SLC25A40: variants seen among roughly 807,000 people sequenced by gnomAD.
SLC25A40 encodes mitochondrial glutathione transporter SLC25A40.
A neutral mutation model predicts 46.5 loss-of-function variants in SLC25A40; 41 were observed. The ratio of observed to expected loss-of-function variants is 0.88; its 90% CI spans 0.69 to 1.14. The LOEUF (loss-of-function observed/expected upper bound fraction) is 1.14. Among genes scored for constraint, SLC25A40 ranks in the 50% most tolerant of loss-of-function variants. The pLI is 0.00. For synonymous variants in SLC25A40, 126 were observed against 127.5 expected (o/e 0.99, Z 0.08); for missense variants, 386 against 393.6 (o/e 0.98, Z 0.16).
chr7:87,850,052 C>T, intron 5 of SLC25A40, 104 bp from the exon 6 acceptor site: 1 of 724,834 alleles, frequency 1.4e-6, no homozygotes, highest in South Asian at 2.3e-5. Flanking sequence ...GTATTTATAT[C>T]TAAAAAAATA....
chr7:87,873,698 G>C (rs1584342873), intron 1 of SLC25A40, among the ~76,000 whole-genome samples: 1 of 152,162 alleles, frequency 6.6e-6, no homozygotes, highest in South Asian at 2.1e-4. Flanking sequence ...CCAAAGTGCT[G>C]GGATTATAGG....
chr7:87,852,921 G>A (rs768182292), intron 5 of SLC25A40, among the ~76,000 whole-genome samples: 4 of 152,132 alleles, frequency 2.6e-5, no homozygotes, highest in Non-Finnish European at 5.9e-5. Context: ...TCTTCAGAGT[G>A]TAACAGTAGA....
intron 8 of SLC25A40, among the ~76,000 whole-genome samples, chr7:87,844,719 A>T (rs999321949): frequency 2.6e-5 from 4 of 152,108 alleles, no homozygotes; most frequent in African/African-American, 9.7e-5. Flanking sequence ...GAAAAAAATC[A>T]ATTGCAACTG....
rs1411713264 is a variant in SLC25A40 at position 87,847,044 on chromosome 7, A to G, written c.536T>C (p.Leu179Pro). The G allele has an allele frequency of 1.4e-5, 23 of 1,613,896 alleles. No homozygotes were observed. The East Asian group carries it at 4.7e-4, about 33-fold the overall frequency. The change falls in exon 8 of 12, where the codon CTG (leucine) becomes CCG (proline). Residue 179 changes from leucine to proline, a missense_variant. Transcript: ENST00000341119. Reference protein sequence around the residue: ...MQSKKFSYVELHRFVSKKVSE... With the variant: ...MQSKKFSYVEPHRFVSKKVSE... ...TACTTTCTTGCTGACAAATCGATGC[A>G]GTTCCACGTAAGAAAACTTCTTGGA...
chr7:87,843,785 A>G lies in SLC25A40; in HGVS notation c.710T>C (p.Ile237Thr). 1 of 1,611,066 alleles carries G rather than the reference A, an allele frequency of 6.2e-7. No homozygotes were observed. The highest frequency in any genetic ancestry group is 8.5e-7 in the Non-Finnish European group (1 of 1,178,046). The change falls in exon 9 of 12, where the codon ATC becomes ACC. Residue 237 changes from isoleucine to threonine, a missense_variant. By Grantham distance (89) the Ile-to-Thr change is moderately conservative. Coordinates refer to ENST00000341119, the MANE Select transcript of SLC25A40 (RefSeq NM_018843.4). ...KSGLYEPTFM[I>T]NFTSGALSGS... ...AGACAATGCCCCTGAAGTAAAGTTG[A>G]TCATAAATGTTGGCTCATATAAACC...
At position 87,854,195 on chromosome 7, in the gene SLC25A40, T is replaced by C. The variant is rs764961170; in HGVS notation, c.264+9A>G. ...TATACTGTGATTCTAAGGAATATAA[T>C]CACCTTACCAATGTTCCCTGGAAAT... is the stretch of plus-strand genomic sequence containing the variant. On this transcript the variant is annotated intron_variant, in intron 5 of 11. Transcript: ENST00000341119. The C allele has an allele frequency of 6.5e-7, 1 of 1,541,324 alleles. No homozygotes were observed. Among genetic ancestry groups the C allele is most frequent in the Middle Eastern group, 1.7e-4 (1 of 5,954 alleles).
chr7:87,864,014 C>T (rs1838747423), intron 1 of SLC25A40, among the ~76,000 whole-genome samples: 1 of 152,184 alleles, frequency 6.6e-6, no homozygotes, highest in Admixed American at 6.5e-5. Flanking sequence ...CTAGGTTCAT[C>T]CATGTTGTCA....
intron 6 of SLC25A40, among the ~76,000 whole-genome samples, chr7:87,849,202 G>A (rs1398240119): frequency 1.3e-5 from 2 of 152,124 alleles, no homozygotes; most frequent in South Asian, 2.1e-4. Context: ...ATATGCTTGT[G>A]TAGCAAAGAC....
At chr7:87,865,166 T>C (rs997497000) in intron 1 of SLC25A40, among the ~76,000 whole-genome samples, 2 of 152,150 alleles carry the variant, frequency 1.3e-5, no homozygotes, top group Non-Finnish European at 2.9e-5. Context: ...TTATTTTTAG[T>C]GTATCTACAA....
rs779673319 is a variant in SLC25A40, at chr7:87,836,279, C to T, written c.987G>A (p.Gln329=). 1 of 1,584,278 alleles carries T rather than the reference C, an allele frequency of 6.3e-7. No individual in the cohort carries two copies. The highest frequency in any genetic ancestry group is 8.6e-7 in the Non-Finnish European group (1 of 1,168,962). ...ATTGCTGCCTTCGAACATTTTGTTT[C>T]TGGAAAAAAGCCTTTCCAAATTCAT... The part of the protein sequence containing the change: ...STYEFGKAFF[Q]KQNVRRQQY Residue 329 remains glutamine, a synonymous_variant, in exon 12 of 12, where the codon CAG becomes CAA. Coordinates refer to ENST00000341119, the MANE Select transcript of SLC25A40 (RefSeq NM_018843.4).
rs975531301 is a variant in SLC25A40, at chr7:87,875,387, T to C, written c.-94+709A>G. Among the ~76,000 whole-genome samples, 7 of 152,158 alleles carry C rather than the reference T, an allele frequency of 4.6e-5. No individual in the cohort carries two copies. In the East Asian group the frequency reaches 5.8e-4, roughly 13 times the overall value. On this transcript the variant is annotated intron_variant, in intron 1 of 11. Coordinates refer to ENST00000341119, the MANE Select transcript of SLC25A40 (RefSeq NM_018843.4). Reference sequence around the variant, plus strand: ...CTAATCTTGTCACAACCCACCCTTGTCTATTCTTTAAGGTACCTACCTGCA... The same window carrying C: ...CTAATCTTGTCACAACCCACCCTTGCCTATTCTTTAAGGTACCTACCTGCA...
intron 3 of SLC25A40, among the ~76,000 whole-genome samples, chr7:87,856,745 T>C (rs1302075855): frequency 6.6e-6 from 1 of 152,202 alleles, no homozygotes; most frequent in East Asian, 1.9e-4. Flanking sequence ...CTGTTAAATT[T>C]ACCTGTATCA....
intron 1 of SLC25A40, among the ~76,000 whole-genome samples, chr7:87,872,822 C>T (rs968828255): frequency 6.6e-6 from 1 of 152,118 alleles, no homozygotes; most frequent in Non-Finnish European, 1.5e-5. Flanking sequence ...ATTAGCTGGG[C>T]ATGGTGGCAG....
At chr7:87,852,406 C>T (rs1838528162) in intron 5 of SLC25A40, among the ~76,000 whole-genome samples, 1 of 152,050 alleles carries the variant, frequency 6.6e-6, no homozygotes, top group Admixed American at 6.6e-5. Flanking sequence ...CATAGTGAGA[C>T]CCTGTCTCTA....
intron 3 of SLC25A40, 45 bp downstream of exon 3, chr7:87,858,586 G>T: frequency 3.8e-6 from 4 of 1,044,356 alleles, no homozygotes; most frequent in South Asian, 2.6e-5. Flanking sequence ...TGGAAGCACT[G>T]ACTCATTCAA....
In SLC25A40 at chr7:87,841,683, A is replaced by G. The variant is rs751351777; in HGVS notation, c.773T>C (p.Val258Ala). 6.5e-7 allele frequency: 1 copy of G among 1,531,324 alleles called. No homozygotes were observed. The highest frequency in any genetic ancestry group is 8.8e-7 in the Non-Finnish European group (1 of 1,137,918). 94.9% of individuals were successfully genotyped at this position (1,531,324 alleles called of 1,614,324 possible). The stretch of plus-strand genomic sequence containing the variant: ...TTGTGTCTGCTTTTGTGTTTTTACT[A>G]CATCAAATGGTAAAGTTGCAACAGC... ...FAAVATLPFD[V>A]VKTQKQTQLW... Residue 258 changes from valine to alanine, a missense_variant, in exon 10 of 12, where the codon GTA (valine) becomes GCA (alanine). Val to Ala is a moderately conservative substitution (Grantham distance 64). Coordinates refer to ENST00000341119, the MANE Select transcript of SLC25A40 (RefSeq NM_018843.4).
intron 4 of SLC25A40, among the ~76,000 whole-genome samples, chr7:87,855,108 G>C (rs1245049883): frequency 6.7e-6 from 1 of 148,466 alleles, no homozygotes; most frequent in Non-Finnish European, 1.5e-5. Context: ...GCTGCAGTGA[G>C]CTATGATCAC....
At chr7:87,846,117 CTT>C (rs1455129249) in intron 8 of SLC25A40, among the ~76,000 whole-genome samples, 1 of 152,018 alleles carries the variant, frequency 6.6e-6, no homozygotes, top group East Asian at 1.9e-4. Flanking sequence ...AAGAATGACT[CTT>C]AGGAAAATTT....
intron 5 of SLC25A40, among the ~76,000 whole-genome samples, chr7:87,850,963 C>A (rs1353294876): frequency 6.6e-6 from 1 of 152,100 alleles, no homozygotes; most frequent in African/African-American, 2.4e-5. Flanking sequence ...GGTGAGAATA[C>A]AGAATGGTGT....
Sources: allele counts gnomAD v4.1 joint callset (sites outside exome capture counted in the v4.1 genomes callset), GRCh38; gene constraint gnomAD v4.1.1; transcripts MANE v1.5; gene names NCBI Gene and HGNC (gene_info 2026-07-23, HGNC 2026-07-21).